KCNAB1: variants seen among roughly 807,000 people sequenced by gnomAD.
The protein encoded by KCNAB1 is voltage-gated potassium channel subunit beta-1.
A neutral mutation model predicts 64.6 loss-of-function variants in KCNAB1; 35 were observed. The observed-to-expected ratio is 0.54, with a 90% CI of 0.41 to 0.72. The LOEUF (loss-of-function observed/expected upper bound fraction) is 0.72. Ranked by LOEUF, KCNAB1 falls within the 30% of genes least tolerant of loss-of-function variation. The pLI is 0.00. For missense variants in KCNAB1, 401 were observed against 512.9 expected (o/e 0.78, Z 2.11); for synonymous variants, 177 against 183.8 (o/e 0.96, Z 0.30).
chr3:156,170,936 C>A (rs1711930695), intron 1 of KCNAB1, among the ~76,000 whole-genome samples: 1 of 152,038 alleles, frequency 6.6e-6, no homozygotes, highest in Non-Finnish European at 1.5e-5. Flanking sequence ...TGTTTTGACT[C>A]TTGGTTTTAG....
intron 1 of KCNAB1, among the ~76,000 whole-genome samples, chr3:156,336,131 G>C (rs576429568): frequency 6.6e-6 from 1 of 152,146 alleles, no homozygotes; most frequent in Non-Finnish European, 1.5e-5. Context: ...GGGCTGAGGT[G>C]GGCGGATCAC....
intron 1 of KCNAB1, among the ~76,000 whole-genome samples, chr3:156,320,063 G>C (rs370104230): frequency 1.3e-5 from 2 of 152,130 alleles, no homozygotes; most frequent in South Asian, 2.1e-4. Context: ...GTGTTTTCAG[G>C]TACATTATAT....
At chr3:156,512,900 A>C (rs4266147) in intron 8 of KCNAB1, among the ~76,000 whole-genome samples, 77,932 of 152,144 alleles carry the variant, frequency 0.51, 20,482 homozygotes, top group African/African-American at 0.62. Flanking sequence ...CCAAAAAAGA[A>C]ATCAAGGGCA....
chr3:156,366,660 A>T (rs546262563), intron 1 of KCNAB1, among the ~76,000 whole-genome samples: 1 of 152,372 alleles, frequency 6.6e-6, no homozygotes, highest in Admixed American at 6.5e-5. Flanking sequence ...TCCCTTTAAG[A>T]CAAGGATAAT....
intron 1 of KCNAB1, among the ~76,000 whole-genome samples, chr3:156,323,990 ACTT>A (rs1411107864): frequency 6.6e-6 from 1 of 152,154 alleles, no homozygotes; most frequent in Non-Finnish European, 1.5e-5. Flanking sequence ...CATTGTTACT[ACTT>A]TTTAAAACCA....
intron 1 of KCNAB1, among the ~76,000 whole-genome samples, chr3:156,301,573 A>G (rs190111514): frequency 6.6e-6 from 1 of 152,332 alleles, no homozygotes; most frequent in Admixed American, 6.5e-5. Flanking sequence ...CCCAAATAGA[A>G]AGGAGTTGGG....
At chr3:156,238,271 A>C (rs1256917422) in intron 1 of KCNAB1, among the ~76,000 whole-genome samples, 1 of 151,890 alleles carries the variant, frequency 6.6e-6, no homozygotes, top group Non-Finnish European at 1.5e-5. Flanking sequence ...AAATACAAAA[A>C]ATTAGCTGGC....
intron 1 of KCNAB1, among the ~76,000 whole-genome samples, chr3:156,267,920 A>G (rs1377685197): frequency 6.6e-6 from 1 of 152,096 alleles, no homozygotes; most frequent in Non-Finnish European, 1.5e-5. Flanking sequence ...TTTAGAATGT[A>G]TAATTAAATC....
intron 1 of KCNAB1, among the ~76,000 whole-genome samples, chr3:156,278,240 T>C (rs1022519923): frequency 1.3e-5 from 2 of 152,168 alleles, no homozygotes; most frequent in African/African-American, 4.8e-5. Flanking sequence ...CAGAAACAAA[T>C]AGATTTTGGC....
At chr3:156,521,203 G>A (rs1175516801) in intron 11 of KCNAB1, among the ~76,000 whole-genome samples, 1 of 152,176 alleles carries the variant, frequency 6.6e-6, no homozygotes, top group African/African-American at 2.4e-5. Context: ...AGGGATGAAT[G>A]GGACAGTCTC....
chr3:156,131,089 A>G (rs1255431792), intron 1 of KCNAB1, among the ~76,000 whole-genome samples: 2 of 152,208 alleles, frequency 1.3e-5, no homozygotes, highest in East Asian at 3.8e-4. Context: ...GCTAGACAGC[A>G]ATAGCTGCCC....
At chr3:156,137,622 C>G (rs1469654585) in intron 1 of KCNAB1, among the ~76,000 whole-genome samples, 2 of 151,468 alleles carry the variant, frequency 1.3e-5, no homozygotes, top group African/African-American at 4.9e-5. Flanking sequence ...GATCTCACCA[C>G]AACCCCCGCC....
chr3:156,204,212 C>T (rs532920905), intron 1 of KCNAB1, among the ~76,000 whole-genome samples: 95 of 152,324 alleles, frequency 6.2e-4, no homozygotes, highest in Non-Finnish European at 1.2e-3. Flanking sequence ...TTTCCAACCA[C>T]TATATTTACT....
chr3:156,245,125 G>T (rs920711919), intron 1 of KCNAB1, among the ~76,000 whole-genome samples: 1 of 152,152 alleles, frequency 6.6e-6, no homozygotes, highest in Non-Finnish European at 1.5e-5. Flanking sequence ...CAATGTTTCA[G>T]AGATTCTATG....
chr3:156,482,959 A>G (rs954916905), intron 8 of KCNAB1, among the ~76,000 whole-genome samples: 1 of 152,128 alleles, frequency 6.6e-6, no homozygotes, highest in African/African-American at 2.4e-5. Flanking sequence ...ACAAATTAAG[A>G]TGCATGAGTC....
chr3:156,218,966 T>G (rs1715519496), intron 1 of KCNAB1, among the ~76,000 whole-genome samples: 1 of 151,886 alleles, frequency 6.6e-6, no homozygotes, highest in South Asian at 2.1e-4. Flanking sequence ...ACAGCAGCCC[T>G]TGATCTCAGG....
chr3:156,450,872 CA>C lies in KCNAB1; in HGVS notation c.320-2019del, dbSNP rs199664734. On this transcript the variant is annotated intron_variant, in intron 2 of 13. Transcript: ENST00000490337. ...CACTTCCCATCCACCCACCCCCCCC[CA>C]AAAAAAAGTTATGCTCCTATTTTTT... Among the ~76,000 whole-genome samples the C allele has an allele frequency of 7.4e-3, 1,036 of 140,788 alleles. 18 individuals carry two copies. The highest frequency in any genetic ancestry group is 0.052 in the East Asian group (255 of 4,902). 92.4% of individuals were successfully genotyped at this position (140,788 alleles called of 152,430 possible). A position where few individuals can be genotyped will look rare whatever the true frequency, so the allele number is the denominator to read the frequency against.
intron 1 of KCNAB1, among the ~76,000 whole-genome samples, chr3:156,149,055 A>G (rs1027162151): frequency 1.3e-5 from 2 of 152,164 alleles, no homozygotes; most frequent in African/African-American, 4.8e-5. Flanking sequence ...CTAGAACAAA[A>G]ATATTTGAGC....
At chr3:156,376,529 C>T (rs113214976) in intron 1 of KCNAB1, among the ~76,000 whole-genome samples, 99 of 152,246 alleles carry the variant, frequency 6.5e-4, no homozygotes, top group African/African-American at 2.3e-3. Context: ...AAAAGTCAAC[C>T]ACAGGGAAAA....
Sources: allele counts gnomAD v4.1 joint callset (sites outside exome capture counted in the v4.1 genomes callset), GRCh38; gene constraint gnomAD v4.1.1; transcripts MANE v1.5; gene names NCBI Gene and HGNC (gene_info 2026-07-23, HGNC 2026-07-21).